Variants in DPP10 observed in about 807,000 individuals in gnomAD.
The protein encoded by DPP10 is inactive dipeptidyl peptidase 10.
A neutral mutation model predicts 120.9 loss-of-function variants in DPP10; 33 were observed. That is an observed-to-expected ratio of 0.27 (90% CI 0.21 to 0.37). The LOEUF is 0.37. Ranked by LOEUF, DPP10 falls within the 10% of genes least tolerant of loss-of-function variation. The pLI, the probability that DPP10 is intolerant of heterozygous loss-of-function variation, is 1.00. For synonymous variants in DPP10, 337 were observed against 326.1 expected (o/e 1.03, Z -0.36); for missense variants, 816 against 942.8 (o/e 0.87, Z 1.76).
intron 1 of DPP10, among the ~76,000 whole-genome samples, chr2:114,537,582 A>T (rs1298543367): frequency 6.6e-6 from 1 of 152,208 alleles, no homozygotes; most frequent in African/African-American, 2.4e-5. Context: ...CATAATAGCA[A>T]TAATGACAAC....
chr2:115,655,892 G>T (rs1359876512), intron 5 of DPP10, among the ~76,000 whole-genome samples: 1 of 151,254 alleles, frequency 6.6e-6, no homozygotes, highest in African/African-American at 2.4e-5. Flanking sequence ...TTGGCAATTG[G>T]GTGTTAAATA....
chr2:114,787,798 G>A (rs1054814088), intron 1 of DPP10, among the ~76,000 whole-genome samples: 1 of 152,138 alleles, frequency 6.6e-6, no homozygotes, highest in Admixed American at 6.5e-5. Context: ...GTATTTTAAT[G>A]GATTTTAGAA....
chr2:115,818,856 A>G (rs1432270135), intron 21 of DPP10, among the ~76,000 whole-genome samples: 3 of 152,224 alleles, frequency 2.0e-5, no homozygotes, highest in Non-Finnish European at 1.5e-5. Context: ...CTGGAAAACT[A>G]AAAGAGTGAC....
intron 5 of DPP10, among the ~76,000 whole-genome samples, chr2:115,619,511 C>G (rs879539868): frequency 4.6e-5 from 7 of 152,162 alleles, no homozygotes; most frequent in African/African-American, 9.7e-5. Context: ...CCTTACAATT[C>G]TCGCATCTTT....
chr2:114,980,461 C>G (rs936127774), intron 1 of DPP10, among the ~76,000 whole-genome samples: 11 of 151,850 alleles, frequency 7.2e-5, no homozygotes, highest in African/African-American at 2.7e-4. Context: ...CGTTGACACT[C>G]AAGAATATGG....
chr2:115,833,765 C>G (rs1194219635), intron 21 of DPP10, among the ~76,000 whole-genome samples: 1 of 152,138 alleles, frequency 6.6e-6, no homozygotes, highest in African/African-American at 2.4e-5. Context: ...CATGTTTAGA[C>G]TTAAGTTTTC....
intron 1 of DPP10, among the ~76,000 whole-genome samples, chr2:114,724,200 T>A (rs1259044589): frequency 6.6e-6 from 1 of 152,192 alleles, no homozygotes; most frequent in African/African-American, 2.4e-5. Context: ...TTCCCCTCTA[T>A]GCTAAACGAT....
chr2:114,605,327 C>G (rs542506087), intron 1 of DPP10, among the ~76,000 whole-genome samples: 2 of 152,032 alleles, frequency 1.3e-5, no homozygotes, highest in Admixed American at 6.6e-5. Context: ...TTCTACCATC[C>G]CTGAAATAGC....
intron 1 of DPP10, among the ~76,000 whole-genome samples, chr2:114,532,506 A>G (rs1020452466): frequency 3.3e-5 from 5 of 151,836 alleles, no homozygotes; most frequent in Non-Finnish European, 5.9e-5. Context: ...GTAAAGAATT[A>G]GAATATGGCC....
At chr2:114,524,908 G>T (rs545936845) in intron 1 of DPP10, among the ~76,000 whole-genome samples, 63 of 152,160 alleles carry the variant, frequency 4.1e-4, no homozygotes, top group Middle Eastern at 3.4e-3. Flanking sequence ...TCTTCCTCTG[G>T]AGATTTTGTA....
At chr2:114,822,784 A>G (rs1202732762) in intron 1 of DPP10, among the ~76,000 whole-genome samples, 2 of 151,980 alleles carry the variant, frequency 1.3e-5, no homozygotes, top group Non-Finnish European at 2.9e-5. Flanking sequence ...ACTTCCACAA[A>G]TCTCTAGGAC....
chr2:114,629,749 TG>T (rs1694781148), intron 1 of DPP10, among the ~76,000 whole-genome samples: 1 of 152,168 alleles, frequency 6.6e-6, no homozygotes, highest in African/African-American at 2.4e-5. Context: ...TGTATACCGT[TG>T]AAGCAGCATT....
rs530492950 is a variant in DPP10, at chr2:114,978,315, G to T, written c.61-330924G>T. Reference sequence around the variant, plus strand: ...TTAAGTAATTTGAATTAAAATAAAAGAATTCAGTAGGTCTCATTCAGTAGG... The same window carrying T: ...TTAAGTAATTTGAATTAAAATAAAATAATTCAGTAGGTCTCATTCAGTAGG... On this transcript the variant is annotated intron_variant, in intron 1 of 25. Transcript: ENST00000410059. Among the ~76,000 whole-genome samples, 4 of 152,236 alleles carry T rather than the reference G, an allele frequency of 2.6e-5. No homozygotes were observed. In the South Asian group the frequency reaches 8.3e-4, roughly 32 times the overall value.
At chr2:114,827,876 T>C (rs766115167) in intron 1 of DPP10, among the ~76,000 whole-genome samples, 5 of 152,182 alleles carry the variant, frequency 3.3e-5, no homozygotes, top group Non-Finnish European at 7.3e-5. Context: ...CCTCCAGCAA[T>C]AGTGTTTTCA....
At chr2:115,669,464 T>G (rs1559005841) in intron 5 of DPP10, among the ~76,000 whole-genome samples, 1 of 152,176 alleles carries the variant, frequency 6.6e-6, no homozygotes, top group African/African-American at 2.4e-5. Context: ...TTAAATACTT[T>G]CCCAAAATGT....
At chr2:114,736,317 T>C (rs1481681856) in intron 1 of DPP10, among the ~76,000 whole-genome samples, 1 of 152,068 alleles carries the variant, frequency 6.6e-6, no homozygotes, top group Non-Finnish European at 1.5e-5. Context: ...ATTCTGAGTT[T>C]CTCAAGTGCA....
intron 13 of DPP10, among the ~76,000 whole-genome samples, chr2:115,776,465 T>C (rs778171696): frequency 1.3e-5 from 2 of 152,084 alleles, no homozygotes; most frequent in African/African-American, 4.8e-5. Flanking sequence ...TACGGCTGCA[T>C]AGTAGTCCAT....
chr2:114,917,765 T>G (rs1171200336), intron 1 of DPP10, among the ~76,000 whole-genome samples: 2 of 152,088 alleles, frequency 1.3e-5, no homozygotes, highest in Non-Finnish European at 2.9e-5. Context: ...TGCAGAAGAC[T>G]GAAACTGGGC....
At chr2:115,684,360 C>G (rs915154363) in intron 5 of DPP10, among the ~76,000 whole-genome samples, 1 of 151,732 alleles carries the variant, frequency 6.6e-6, no homozygotes, top group Admixed American at 6.6e-5. Flanking sequence ...GACAAAGTCA[C>G]GACTCACTCA....
Sources: allele counts gnomAD v4.1 joint callset (sites outside exome capture counted in the v4.1 genomes callset), GRCh38; gene constraint gnomAD v4.1.1; transcripts MANE v1.5; gene names NCBI Gene and HGNC (gene_info 2026-07-23, HGNC 2026-07-21).